TLN2: variants seen among roughly 807,000 people sequenced by gnomAD.
The protein encoded by TLN2 is talin 2, also known as talin-2.
A neutral mutation model predicts 294.7 loss-of-function variants in TLN2; 118 were observed. That is an observed-to-expected ratio of 0.40 (90% CI 0.34 to 0.47). TLN2 has a LOEUF of 0.47. Ranked by LOEUF, TLN2 falls within the 20% of genes least tolerant of loss-of-function variation. The pLI is 0.84. For missense variants in TLN2, 3,083 were observed against 3,282.2 expected (o/e 0.94, Z 1.48); for synonymous variants, 1,431 against 1,304.5 (o/e 1.10, Z -2.09).
intron 1 of TLN2, among the ~76,000 whole-genome samples, chr15:62,500,341 A>T (rs943994777): frequency 1.3e-5 from 2 of 152,164 alleles, no homozygotes; most frequent in South Asian, 2.1e-4. Flanking sequence ...TCCATCTCAA[A>T]AAATAAATAA....
At chr15:62,801,147 C>G (rs931429333) in intron 50 of TLN2, among the ~76,000 whole-genome samples, 2 of 152,208 alleles carry the variant, frequency 1.3e-5, no homozygotes, top group Admixed American at 6.5e-5. Context: ...ATGCACATTG[C>G]TCTTGGTACC....
intron 20 of TLN2, 56 bp downstream of exon 20, chr15:62,707,309 C>T (rs967804159): frequency 1.3e-6 from 2 of 1,518,162 alleles, no homozygotes. Context: ...TGTTACCTGC[C>T]TCCAGGCATT....
intron 1 of TLN2, among the ~76,000 whole-genome samples, chr15:62,569,216 C>T (rs557125306): frequency 6.6e-6 from 1 of 152,320 alleles, no homozygotes; most frequent in South Asian, 2.1e-4. Flanking sequence ...CTCTCGATAT[C>T]CCTAATTACG....
intron 9 of TLN2, among the ~76,000 whole-genome samples, chr15:62,666,588 C>T (rs781718402): frequency 1.8e-4 from 27 of 152,158 alleles, no homozygotes; most frequent in African/African-American, 4.6e-4. Context: ...ATTAAAAGAC[C>T]GGTCATTACC....
At chr15:62,414,163 A>AAATATATATATATATAT (rs1555404130) in intron 1 of TLN2, among the ~76,000 whole-genome samples, 2 of 37,362 alleles carry the variant, frequency 5.4e-5, no homozygotes, top group Admixed American at 4.5e-4. Context: ...AAAAAAAAAA[A>AAATATATATATATATAT]CTATATATAT....
At chr15:62,509,867 C>T (rs1000312202) in intron 1 of TLN2, among the ~76,000 whole-genome samples, 1 of 152,118 alleles carries the variant, frequency 6.6e-6, no homozygotes, top group Admixed American at 6.5e-5. Context: ...GGAGAGAATC[C>T]GGTGGCTTTG....
intron 1 of TLN2, among the ~76,000 whole-genome samples, chr15:62,528,125 A>G (rs8029492): frequency 0.53 from 80,276 of 152,056 alleles, 22,269 homozygotes; most frequent in African/African-American, 0.71. Flanking sequence ...TTTACATTCC[A>G]TTAAATTTTA....
chr15:62,760,195 A>T (rs80196124), intron 37 of TLN2, among the ~76,000 whole-genome samples: 51 of 152,332 alleles, frequency 3.3e-4, no homozygotes, highest in African/African-American at 1.2e-3. Context: ...GCATGAGCCA[A>T]GGCAAGCCAG....
chr15:62,455,593 C>T lies in TLN2; in HGVS notation c.-238+64908C>T, dbSNP rs189201429. 2.3e-3 allele frequency among the ~76,000 whole-genome samples: 353 copies of T among 152,312 alleles called. 1 individual carries two copies. The highest frequency in any genetic ancestry group is 8.2e-3 in the African/African-American group (340 of 41,566). On this transcript the variant is annotated intron_variant, in intron 1 of 58. Transcript: ENST00000636159. ...CCTCGTTCCTACTCATCGACTTCTG[C>T]GGTTACCACTATGCCAGAGTGCCAT...
chr15:62,819,687 A>C (rs1345979905), intron 53 of TLN2, 66 bp downstream of exon 53: 1 of 1,435,558 alleles, frequency 7.0e-7, no homozygotes, highest in Admixed American at 1.8e-5. Flanking sequence ...CAGCAGACTG[A>C]GCAGAGGAAA....
intron 1 of TLN2, among the ~76,000 whole-genome samples, chr15:62,428,059 C>G (rs2034813792): frequency 6.6e-6 from 1 of 152,140 alleles, no homozygotes; most frequent in Admixed American, 6.5e-5. Context: ...CTTGAACATT[C>G]ATCATTGTGC....
At position 62,701,113 on chromosome 15, in the gene TLN2, G is replaced by A; in HGVS notation, c.1595G>A (p.Arg532Lys). ...LPPLGQDMAS[R>K]VWVQNKVDES... ...CGTTGTCTGGCTTTGCAGGCATCTA[G>A]GGTATGGGTTCAGAACAAAGTCGAC... is the stretch of plus-strand genomic sequence containing the variant. Residue 532 changes from arginine (R) to lysine (K), a missense_variant, in exon 17 of 59, where the codon AGG becomes AAG. Transcript: ENST00000636159. The A allele has an allele frequency of 6.2e-7, 1 of 1,613,926 alleles. No individual in the cohort carries two copies. The highest frequency in any genetic ancestry group is 1.3e-5 in the African/African-American group (1 of 74,970).
chr15:62,750,587 C>A, intron 34 of TLN2, 96 bp downstream of exon 34: 5 of 1,064,852 alleles, frequency 4.7e-6, no homozygotes, highest in South Asian at 2.6e-5. Flanking sequence ...TGTGGCTGGT[C>A]TGCAGGGCTA....
intron 22 of TLN2, among the ~76,000 whole-genome samples, chr15:62,715,865 C>A (rs1239102439): frequency 6.6e-6 from 1 of 152,204 alleles, no homozygotes; most frequent in Non-Finnish European, 1.5e-5. Context: ...CCTTCCCCCT[C>A]TTCCCTCTGT....
At chr15:62,687,269 GTAT>G (rs1270641587) in intron 12 of TLN2, among the ~76,000 whole-genome samples, 3 of 152,202 alleles carry the variant, frequency 2.0e-5, no homozygotes, top group African/African-American at 7.2e-5. Context: ...CTTTAGGATA[GTAT>G]TATTATAGAA....
chr15:62,395,483 A>G (rs1337374515), intron 1 of TLN2, among the ~76,000 whole-genome samples: 1 of 152,164 alleles, frequency 6.6e-6, no homozygotes, highest in South Asian at 2.1e-4. Context: ...GAATTCTCAG[A>G]CCATTGATAT....
At chr15:62,764,458 T>C (rs1289901910) in intron 40 of TLN2, among the ~76,000 whole-genome samples, 2 of 152,204 alleles carry the variant, frequency 1.3e-5, no homozygotes, top group African/African-American at 4.8e-5. Flanking sequence ...TCATTTTTAT[T>C]AATAGAGCTG....
intron 1 of TLN2, among the ~76,000 whole-genome samples, chr15:62,516,618 C>T (rs2040204564): frequency 6.6e-6 from 1 of 152,210 alleles, no homozygotes; most frequent in Non-Finnish European, 1.5e-5. Flanking sequence ...CTTGATCCGC[C>T]TCTTGTCTCT....
intron 1 of TLN2, among the ~76,000 whole-genome samples, chr15:62,484,965 C>T (rs2038310025): frequency 6.6e-6 from 1 of 152,184 alleles, no homozygotes; most frequent in African/African-American, 2.4e-5. Flanking sequence ...GGCTGCCTTC[C>T]TTCAGGAAGC....
Sources: gnomAD v4.1 joint callset for allele counts (sites outside exome capture counted in the v4.1 genomes callset) on GRCh38, gnomAD v4.1.1 for gene constraint, MANE v1.5 for transcripts, NCBI Gene and HGNC (gene_info 2026-07-23, HGNC 2026-07-21) for gene names.